The following SRD5A2 variants were observed in gnomAD, a reference collection of about 807,000 sequenced individuals.
SRD5A2 encodes 3-oxo-5-alpha-steroid 4-dehydrogenase 2.
SRD5A2 carries 30 observed loss-of-function variants against 27.4 expected under a neutral mutation model. That is an observed-to-expected ratio of 1.10 (90% CI 0.82 to 1.49). SRD5A2 has a LOEUF of 1.49. SRD5A2 is among the 40% of genes most tolerant of loss of function. The probability of loss-of-function intolerance (pLI) is 0.00; values close to 1 mark genes in which losing one functional copy is unlikely to be tolerated. For synonymous variants in SRD5A2, 141 were observed against 133.6 expected, an observed-to-expected ratio of 1.06 and a Z score of -0.38; for missense variants, 348 against 323.4, an observed-to-expected ratio of 1.08 and a Z score of -0.58.
Position 31,526,104 on chromosome 2 carries a change from C to CATATATATATAT in SRD5A2, c.*91_*92insATATATATATAT, listed in dbSNP as rs1491224935. On this transcript the variant is annotated 3_prime_UTR_variant, in exon 5 of 5. Transcript: ENST00000622030. ...CAGGAGACCTACTATTACATATATA[C>CATATATATATAT]GGGACTATTATATCATGAAAATTAC... The CATATATATATAT allele has an allele frequency of 1.3e-5, 10 of 797,362 alleles. No homozygotes were observed. The highest frequency in any genetic ancestry group is 7.7e-5 in the African/African-American group (4 of 51,646). 49.4% of individuals were successfully genotyped at this position (797,362 alleles called of 1,614,324 possible).
chr2:31,608,485 T>C, the SRD5A2 span, among the ~76,000 whole-genome samples: 1 of 151,962 alleles, frequency 6.6e-6, no homozygotes, highest in South Asian at 2.1e-4. Context: ...AAGAAAGACA[T>C]AAGCTATGTA....
chr2:31,546,612 A>T (rs1572639316), intron 1 of SRD5A2, among the ~76,000 whole-genome samples: 2 of 152,240 alleles, frequency 1.3e-5, no homozygotes, highest in African/African-American at 4.8e-5. Context: ...ATAAAGACAA[A>T]AAGAACAGAC....
intron 1 of SRD5A2, among the ~76,000 whole-genome samples, chr2:31,558,754 G>A (rs905079735): frequency 2.0e-5 from 3 of 152,110 alleles, no homozygotes; most frequent in Admixed American, 1.3e-4. Flanking sequence ...ACAGTAGTCA[G>A]TACAGTAACA....
At chr2:31,633,952 A>T in the SRD5A2 span, among the ~76,000 whole-genome samples, 2 of 152,180 alleles carry the variant, frequency 1.3e-5, no homozygotes, top group East Asian at 3.8e-4. Context: ...TAATAAAAAA[A>T]ATTTTTTTAA....
chr2:31,653,630 A>G, the SRD5A2 span, among the ~76,000 whole-genome samples: 2 of 152,138 alleles, frequency 1.3e-5, no homozygotes, highest in African/African-American at 4.8e-5. Context: ...GACATTGAGA[A>G]TGAGTAGAAT....
the SRD5A2 span, among the ~76,000 whole-genome samples, chr2:31,647,011 G>T: frequency 6.6e-6 from 1 of 152,100 alleles, no homozygotes; most frequent in East Asian, 1.9e-4. Flanking sequence ...GAGACGTCAT[G>T]GTGGGCGCCT....
At chr2:31,613,971 A>ATG in the SRD5A2 span, among the ~76,000 whole-genome samples, 1 of 151,914 alleles carries the variant, frequency 6.6e-6, no homozygotes, top group African/African-American at 2.4e-5. Context: ...CACCCTTGAC[A>ATG]TGTGGGGATG....
intron 1 of SRD5A2, among the ~76,000 whole-genome samples, chr2:31,541,050 TTC>T (rs1273099710): frequency 6.6e-6 from 1 of 152,216 alleles, no homozygotes; most frequent in Non-Finnish European, 1.5e-5. Context: ...TTTTTCATTT[TTC>T]TCTTTTTCTC....
the SRD5A2 span, among the ~76,000 whole-genome samples, chr2:31,598,732 A>C: frequency 6.6e-6 from 1 of 152,040 alleles, no homozygotes; most frequent in Non-Finnish European, 1.5e-5. Context: ...ATCCTTACTA[A>C]AGGAAGACAG....
At chr2:31,645,827 GGTGTGTGTGTAC>G in the SRD5A2 span, among the ~76,000 whole-genome samples, 1 of 151,968 alleles carries the variant, frequency 6.6e-6, no homozygotes, top group African/African-American at 2.4e-5. Context: ...GATGTGTTTA[GGTGTGTGTGTAC>G]GTGTGTGTGG....
At chr2:31,596,798 G>A in the SRD5A2 span, among the ~76,000 whole-genome samples, 1 of 152,100 alleles carries the variant, frequency 6.6e-6, no homozygotes, top group African/African-American at 2.4e-5. Context: ...GGACGTGAAA[G>A]ACCTCTACAA....
At chr2:31,547,898 G>C (rs1444146783) in intron 1 of SRD5A2, among the ~76,000 whole-genome samples, 1 of 151,996 alleles carries the variant, frequency 6.6e-6, no homozygotes, top group African/African-American at 2.4e-5. Context: ...GATATAGTTA[G>C]ATAGATACAG....
At chr2:31,614,765 A>G in the SRD5A2 span, among the ~76,000 whole-genome samples, 15 of 152,230 alleles carry the variant, frequency 9.9e-5, no homozygotes, top group African/African-American at 2.9e-4. Context: ...TTAATTCTTG[A>G]CTTCTGTGCA....
chr2:31,551,553 G>A (rs1488175069), intron 1 of SRD5A2, among the ~76,000 whole-genome samples: 2 of 152,108 alleles, frequency 1.3e-5, no homozygotes, highest in African/African-American at 2.4e-5. Flanking sequence ...ATAATAAAGT[G>A]TTGAATATGT....
At chr2:31,614,757 A>C in the SRD5A2 span, among the ~76,000 whole-genome samples, 1 of 152,170 alleles carries the variant, frequency 6.6e-6, no homozygotes, top group Non-Finnish European at 1.5e-5. Flanking sequence ...CCAAAACTTT[A>C]ATTCTTGACT....
chr2:31,591,168 C>T, the SRD5A2 span, among the ~76,000 whole-genome samples: 2 of 152,206 alleles, frequency 1.3e-5, no homozygotes, highest in East Asian at 3.9e-4. Context: ...AATGGGAGAA[C>T]ATTTTTGCAA....
At chr2:31,635,558 T>C in the SRD5A2 span, among the ~76,000 whole-genome samples, 2 of 152,076 alleles carry the variant, frequency 1.3e-5, no homozygotes, top group Non-Finnish European at 2.9e-5. Context: ...CTTTATTTAC[T>C]AAATAAATCC....
rs1665772817 is a variant in SRD5A2, at chr2:31,526,103, ACGG to A, written c.*90_*92del. ...CCAGGAGACCTACTATTACATATAT[ACGG>A]GACTATTATATCATGAAAATTACAG... On this transcript the variant is annotated 3_prime_UTR_variant, in exon 5 of 5. Coordinates refer to ENST00000622030, the MANE Select transcript of SRD5A2 (RefSeq NM_000348.4). 6.1e-6 allele frequency: 5 copies of A among 814,256 alleles called. No homozygotes were observed. In the African/African-American group the frequency reaches 8.9e-5, roughly 14 times the overall value. 50.4% of individuals were successfully genotyped at this position (814,256 alleles called of 1,614,324 possible).
chr2:31,578,851 C>T (rs1171303468), intron 1 of SRD5A2, among the ~76,000 whole-genome samples: 1 of 151,926 alleles, frequency 6.6e-6, no homozygotes. Context: ...AAAAACAAGC[C>T]TAAAGATTAC....
Sources: gnomAD v4.1 joint callset for allele counts (sites outside exome capture counted in the v4.1 genomes callset) on GRCh38, gnomAD v4.1.1 for gene constraint, MANE v1.5 for transcripts, NCBI Gene and HGNC (gene_info 2026-07-23, HGNC 2026-07-21) for gene names.